The following TRAF3IP1 variants were observed in gnomAD, a reference collection of about 807,000 sequenced individuals.
TRAF3IP1 encodes the protein intraflagellar transport 54.
A neutral mutation model predicts 89.9 loss-of-function variants in TRAF3IP1; 53 were observed. That is an observed-to-expected ratio of 0.59 (90% confidence interval 0.47 to 0.74). The LOEUF (loss-of-function observed/expected upper bound fraction) is 0.74, where lower values mean the gene tolerates loss of function less well. Ranked by LOEUF, TRAF3IP1 falls within the 30% of genes least tolerant of loss-of-function variation. The pLI, the probability that TRAF3IP1 is intolerant of heterozygous loss-of-function variation, is 0.00. For missense variants in TRAF3IP1, 806 were observed against 866.1 expected (o/e 0.93, Z 0.87); for synonymous variants, 311 against 322.1 (o/e 0.97, Z 0.37).
At chr2:238,343,875 G>A (rs1333346242) in intron 8 of TRAF3IP1, among the ~76,000 whole-genome samples, 1 of 151,020 alleles carries the variant, frequency 6.6e-6, no homozygotes, top group Non-Finnish European at 1.5e-5. Context: ...TACCTAGGTT[G>A]TCTTTACTCC....
intron 15 of TRAF3IP1, among the ~76,000 whole-genome samples, chr2:238,385,737 A>ATGTTT (rs1700740622): frequency 6.6e-6 from 1 of 152,306 alleles, no homozygotes; most frequent in East Asian, 1.9e-4. Context: ...GGTGATGAGA[A>ATGTTT]TGTTTCTTTC....
At chr2:238,393,931 GCTCACAC>G (rs1348455200) in intron 15 of TRAF3IP1, among the ~76,000 whole-genome samples, 2 of 152,220 alleles carry the variant, frequency 1.3e-5, no homozygotes, top group Non-Finnish European at 2.9e-5. Flanking sequence ...CTACGCGGTG[GCTCACAC>G]CTGTAATCCC....
chr2:238,341,288 C>G (rs189715417), intron 8 of TRAF3IP1, among the ~76,000 whole-genome samples: 13 of 151,646 alleles, frequency 8.6e-5, no homozygotes, highest in African/African-American at 2.9e-4. Context: ...TCCCAAAGTG[C>G]TGGGATTACA....
rs1701382668 is a variant in TRAF3IP1 at position 238,399,561 on chromosome 2, TA to T, written c.*645del. 1 of 152,216 alleles carries T rather than the reference TA, an allele frequency of 6.6e-6. No individual in the cohort carries two copies. The highest frequency in any genetic ancestry group is 2.4e-5 in the African/African-American group (1 of 41,466). 9.4% of individuals were successfully genotyped at this position (152,216 alleles called of 1,614,324 possible). On this transcript the variant is annotated 3_prime_UTR_variant, in exon 17 of 17. Transcript: ENST00000373327. The stretch of plus-strand genomic sequence containing the variant: ...ATCGTTTGCTTGTGTTTCTAGTCCT[TA>T]AAGTTCATAAATTTAAAAAGGAGAT...
chr2:238,396,745 C>T (rs554940770), intron 15 of TRAF3IP1, among the ~76,000 whole-genome samples: 17 of 152,214 alleles, frequency 1.1e-4, no homozygotes, highest in African/African-American at 4.1e-4. Flanking sequence ...TCTCTGCGTC[C>T]TCCTCACCTC....
chr2:238,399,093 A>C lies in TRAF3IP1; in HGVS notation c.*174A>C. 1.7e-6 allele frequency: 1 copy of C among 594,076 alleles called. No individual in the cohort carries two copies. Among genetic ancestry groups the C allele is most frequent in the East Asian group, 3.2e-5 (1 of 31,730 alleles). The allele number at this position is 594,076 out of a possible 1,614,324, so 36.8% of individuals were successfully genotyped here. On this transcript the variant is annotated 3_prime_UTR_variant, in exon 17 of 17. Transcript: ENST00000373327. ...GTAAGCATGTTAAGTGTATTAAAAA[A>C]ACCATGTTTTCTTACCTCCTTCCAG... is the stretch of plus-strand genomic sequence containing the variant.
intron 15 of TRAF3IP1, among the ~76,000 whole-genome samples, chr2:238,373,534 A>G (rs555631698): frequency 2.0e-5 from 3 of 152,284 alleles, no homozygotes; most frequent in South Asian, 2.1e-4. Context: ...TGGTTACTGT[A>G]GCCTTGTAGT....
At chr2:238,354,541 T>A (rs1208324740) in intron 14 of TRAF3IP1, among the ~76,000 whole-genome samples, 1 of 152,216 alleles carries the variant, frequency 6.6e-6, no homozygotes, top group African/African-American at 2.4e-5. Context: ...TGCTTTATGA[T>A]CCTTCATATG....
At chr2:238,342,707 A>G (rs1439993509) in intron 8 of TRAF3IP1, among the ~76,000 whole-genome samples, 1 of 152,030 alleles carries the variant, frequency 6.6e-6, no homozygotes, top group Non-Finnish European at 1.5e-5. Context: ...TTTGTTAAGA[A>G]CTTAATATTT....
At chr2:238,356,672 C>G (rs1699424062) in intron 15 of TRAF3IP1, among the ~76,000 whole-genome samples, 1 of 152,178 alleles carries the variant, frequency 6.6e-6, no homozygotes, top group Non-Finnish European at 1.5e-5. Flanking sequence ...CTCTGACTCC[C>G]TGACTCTCCC....
chr2:238,389,788 TC>T (rs2106376074), intron 15 of TRAF3IP1, among the ~76,000 whole-genome samples: 1 of 137,992 alleles, frequency 7.2e-6, no homozygotes, highest in South Asian at 2.3e-4. Flanking sequence ...TAGTAATAAT[TC>T]TCTTGAAGGA....
intron 15 of TRAF3IP1, among the ~76,000 whole-genome samples, chr2:238,377,993 G>GTAGTT (rs995190248): frequency 3.7e-4 from 57 of 152,212 alleles, no homozygotes; most frequent in African/African-American, 1.2e-3. Context: ...TGCTCTGGAT[G>GTAGTT]TAGTTTAGTT....
rs145844010 is a variant in TRAF3IP1, at chr2:238,328,960, C to T, written c.533C>T (p.Thr178Ile). ...RGDAEIKERS[T>I]SRDRKQKEEL... The stretch of plus-strand genomic sequence containing the variant: ...GACGCTGAAATAAAAGAGAGAAGTA[C>T]AAGCAGAGATCGAAAACAGAAGGAA... The change falls in exon 5 of 17, where the codon ACA (threonine) becomes ATA (isoleucine). Residue 178 changes from threonine to isoleucine, a missense_variant. By Grantham distance (89) the Thr-to-Ile change is moderately conservative. Around this residue, in one of 3 missense-constraint regions of TRAF3IP1, gnomAD observed 732 missense variants for 780.5 expected, o/e 0.94. Transcript: ENST00000373327. 26 of 1,556,496 alleles carry T rather than the reference C, an allele frequency of 1.7e-5. No individual in the cohort carries two copies. In the African/African-American group the frequency reaches 2.1e-4, roughly 12 times the overall value.
At chr2:238,370,881 T>C (rs932923461) in intron 15 of TRAF3IP1, among the ~76,000 whole-genome samples, 3 of 152,178 alleles carry the variant, frequency 2.0e-5, no homozygotes, top group African/African-American at 7.2e-5. Context: ...AACGAAGCTA[T>C]GTGCATTTAG....
Position 238,350,626 on chromosome 2 carries a change from G to GGGAGTTA in TRAF3IP1, c.1451+1220_1451+1221insAGTTAGG, listed in dbSNP as rs1699107452. 5.9e-5 allele frequency among the ~76,000 whole-genome samples: 9 copies of GGGAGTTA among 152,134 alleles called. No individual in the cohort carries two copies. The South Asian group carries it at 1.9e-3, about 32-fold the overall frequency. On this transcript the variant is annotated intron_variant, in intron 12 of 16. Transcript: ENST00000373327. ...GTGTTCTGATGAAGGGGAGGGGTTA[G>GGGAGTTA]GGCAGGGCAGTTGCTGAACCTCCTA...
At chr2:238,325,412 C>T in intron 2 of TRAF3IP1, 38 bp downstream of exon 2, 1 of 1,608,252 alleles carries the variant, frequency 6.2e-7, no homozygotes, top group South Asian at 1.1e-5. Flanking sequence ...GACTCCTCGC[C>T]TTAACGGATG....
chr2:238,373,744 A>G (rs1184232815), intron 15 of TRAF3IP1, among the ~76,000 whole-genome samples: 1 of 152,126 alleles, frequency 6.6e-6, no homozygotes, highest in Admixed American at 6.5e-5. Flanking sequence ...TTTTCACGAT[A>G]TTGATTCTTC....
rs1284887756 is a variant in TRAF3IP1, at chr2:238,340,829, GTGTGTA to G, written c.1159+2374_1159+2379del. Among the ~76,000 whole-genome samples the G allele has an allele frequency of 2.7e-3, 253 of 93,346 alleles. 3 individuals are homozygous for G. Among genetic ancestry groups the G allele is most frequent in the African/African-American group, 7.4e-3 (247 of 33,202 alleles). The allele number at this position is 93,346 out of a possible 152,430, so 61.2% of individuals were successfully genotyped here. A position where few individuals can be genotyped will look rare whatever the true frequency, so the allele number is the denominator to read the frequency against. On this transcript the variant is annotated intron_variant, in intron 8 of 16. Transcript: ENST00000373327. ...CAGTTATGCGTGTGTGTGTGTGTGTGTGTGTATATATATATATAGAGAGAGAGAGAC... is the reference window on the plus strand; with the variant it reads ...CAGTTATGCGTGTGTGTGTGTGTGTGTATATATATATAGAGAGAGAGAGAC...
In TRAF3IP1 at chr2:238,384,434, G is replaced by T. The variant is rs571231908; in HGVS notation, c.1690-13025G>T. On this transcript the variant is annotated intron_variant, in intron 15 of 16. Transcript: ENST00000373327. ...GTTGGCCAGGCTGGGGTGCAGTGGT[G>T]TGATCTTGGCTTACTGCAACCTCTG... Among the ~76,000 whole-genome samples, 5 of 151,504 alleles carry T rather than the reference G, an allele frequency of 3.3e-5. No homozygotes were observed. The South Asian group carries it at 1.0e-3, about 32-fold the overall frequency.
Sources: gnomAD v4.1 joint callset for allele counts (sites outside exome capture counted in the v4.1 genomes callset) on GRCh38, gnomAD v4.1.1 for gene constraint, gnomAD v4.1.1 regional missense constraint, MANE v1.5 for transcripts, NCBI Gene and HGNC (gene_info 2026-07-23, HGNC 2026-07-21) for gene names.